The following JMJD1C variants were observed in gnomAD, a reference collection of about 807,000 sequenced individuals.
The protein encoded by JMJD1C is jumonji domain-containing protein 1C.
In JMJD1C, 31 loss-of-function variants were observed where a neutral mutation model predicts 245.3. The ratio of observed to expected loss-of-function variants is 0.13; its 90% confidence interval spans 0.09 to 0.17. The LOEUF (loss-of-function observed/expected upper bound fraction) is 0.17, where lower values mean the gene tolerates loss of function less well. JMJD1C is among the 10% of genes least tolerant of loss of function. JMJD1C has a pLI of 1.00. For synonymous variants in JMJD1C, 1,057 were observed against 1,017.4 expected, an observed-to-expected ratio of 1.04 and a Z score of -0.74; for missense variants, 2,691 against 3,000.2, an observed-to-expected ratio of 0.90 and a Z score of 2.41.
At chr10:63,305,996 T>A (rs1273770025) in intron 2 of JMJD1C, among the ~76,000 whole-genome samples, 1 of 152,054 alleles carries the variant, frequency 6.6e-6, no homozygotes, top group African/African-American at 2.4e-5. Context: ...ATACTGGGAT[T>A]AAAGGTGTGA....
At chr10:63,433,577 TTTTC>T (rs1239631008) in intron 1 of JMJD1C, among the ~76,000 whole-genome samples, 2 of 146,716 alleles carry the variant, frequency 1.4e-5, no homozygotes, top group East Asian at 3.9e-4. Flanking sequence ...TACTCTTTTC[TTTTC>T]TTTTCTTTTT....
intron 2 of JMJD1C, among the ~76,000 whole-genome samples, chr10:63,346,648 C>A (rs953563742): frequency 2.0e-5 from 3 of 152,178 alleles, no homozygotes; most frequent in African/African-American, 7.2e-5. Flanking sequence ...TCCGTAAATT[C>A]TCTAAGACCA....
intron 1 of JMJD1C, among the ~76,000 whole-genome samples, chr10:63,387,629 A>AATTTTT (rs1554915199): frequency 0.19 from 7,275 of 38,284 alleles, 1,406 homozygotes; most frequent in Middle Eastern, 0.38. Flanking sequence ...GAAAAAAAAA[A>AATTTTT]TTTTTTTTTT....
intron 3 of JMJD1C, among the ~76,000 whole-genome samples, chr10:63,261,571 AAAG>A (rs572370264): frequency 1.2e-3 from 190 of 152,318 alleles, no homozygotes; most frequent in Non-Finnish European, 2.2e-3. Context: ...ACAGAAAAAA[AAAG>A]AAGAAGAAGA....
chr10:63,478,857 T>C (rs1398892480), intron 1 of JMJD1C, among the ~76,000 whole-genome samples: 2 of 152,224 alleles, frequency 1.3e-5, no homozygotes, highest in African/African-American at 2.4e-5. Flanking sequence ...TCCTAGCTAG[T>C]TGTGAAGCTG....
Position 63,519,321 on chromosome 10 carries a change from T to C in JMJD1C, n.113+2417A>G, listed in dbSNP as rs562856009. On this transcript the variant is annotated intron_variant and non_coding_transcript_variant, in intron 1 of 3. Coordinates refer to the JMJD1C transcript ENST00000633035. ...TACTAGGATTAGCTGAAATAATTAA[T>C]ATTCACAATGATGACCTCCAAAGTA... Among the ~76,000 whole-genome samples, 9 of 152,332 alleles carry C rather than the reference T, an allele frequency of 5.9e-5. No homozygotes were observed. The South Asian group carries it at 1.9e-3, about 32-fold the overall frequency.
intron 3 of JMJD1C, among the ~76,000 whole-genome samples, chr10:63,257,757 T>TA (rs1854159363): frequency 6.6e-6 from 1 of 152,240 alleles, no homozygotes; most frequent in Admixed American, 6.5e-5. Context: ...TTGTCATCTT[T>TA]TCTAATATCA....
chr10:63,279,501 G>GA (rs1857171761), intron 2 of JMJD1C, among the ~76,000 whole-genome samples: 1 of 152,228 alleles, frequency 6.6e-6, no homozygotes, highest in South Asian at 2.1e-4. Flanking sequence ...AAATGCATGT[G>GA]AAAGAGGCCA....
intron 1 of JMJD1C, among the ~76,000 whole-genome samples, chr10:63,501,371 TCA>T (rs975732957): frequency 2.0e-5 from 3 of 152,272 alleles, no homozygotes; most frequent in African/African-American, 7.2e-5. Context: ...TGCTTTTATT[TCA>T]CAGTTAAAAA....
intron 1 of JMJD1C, among the ~76,000 whole-genome samples, chr10:63,448,640 A>C (rs796299195): frequency 6.6e-6 from 1 of 152,242 alleles, no homozygotes. Context: ...AACCCTTGCT[A>C]AAGTATAGTG....
intron 1 of JMJD1C, among the ~76,000 whole-genome samples, chr10:63,430,997 A>G (rs896191415): frequency 2.6e-5 from 4 of 152,206 alleles, no homozygotes; most frequent in Non-Finnish European, 4.4e-5. Flanking sequence ...TGTTAGGAGT[A>G]TAGACGTGAT....
chr10:63,263,479 A>G (rs944908602), intron 3 of JMJD1C, among the ~76,000 whole-genome samples: 3 of 152,234 alleles, frequency 2.0e-5, no homozygotes, highest in African/African-American at 7.2e-5. Context: ...AAAAACAGTA[A>G]CAAGTCTGAA....
chr10:63,371,224 C>T (rs2134430968), intron 2 of JMJD1C, among the ~76,000 whole-genome samples: 1 of 151,234 alleles, frequency 6.6e-6, no homozygotes, highest in Admixed American at 6.6e-5. Flanking sequence ...TCAAGCAATT[C>T]TCCCGCCTCA....
intron 1 of JMJD1C, among the ~76,000 whole-genome samples, chr10:63,420,013 G>C (rs1427689756): frequency 2.0e-5 from 3 of 151,660 alleles, no homozygotes; most frequent in African/African-American, 4.8e-5. Flanking sequence ...GCGCGCGCCT[G>C]GAGTCCCAGC....
chr10:63,207,159 G>A lies in JMJD1C; in HGVS notation c.4510C>T (p.Pro1504Ser). 1 of 1,614,138 alleles carries A rather than the reference G, an allele frequency of 6.2e-7. No homozygotes were observed. The highest frequency in any genetic ancestry group is 8.5e-7 in the Non-Finnish European group (1 of 1,180,006). Residue 1504 changes from proline to serine, a missense_variant, in exon 10 of 26, where the codon CCT becomes TCT. Physicochemically the swap from Pro to Ser is moderately conservative, Grantham distance 74. Coordinates refer to ENST00000399262, the MANE Select transcript of JMJD1C (RefSeq NM_032776.3). ...AGTGTCTGATTTTTTATAGCATTAG[G>A]TTCAGTCTCACTGGCATTACTACTT... ...YKSSNASETE[P>S]NAIKNQTLSA...
intron 1 of JMJD1C, among the ~76,000 whole-genome samples, chr10:63,424,161 G>A (rs1444122778): frequency 6.6e-6 from 1 of 151,660 alleles, no homozygotes; most frequent in East Asian, 1.9e-4. Flanking sequence ...GACTGAAGGT[G>A]TAAACCTCCT....
chr10:63,248,190 C>T (rs1380989566), intron 3 of JMJD1C, among the ~76,000 whole-genome samples: 1 of 151,804 alleles, frequency 6.6e-6, no homozygotes, highest in Non-Finnish European at 1.5e-5. Context: ...AGGCCAGGCA[C>T]GGTGTTTCAC....
chr10:63,185,788 CTT>C lies in JMJD1C; in HGVS notation c.6740-137_6740-136del, dbSNP rs1451270057. 5 of 632,848 alleles carry C rather than the reference CTT, an allele frequency of 7.9e-6. No homozygotes were observed. The African/African-American group carries it at 9.2e-5, about 12-fold the overall frequency. The allele number at this position is 632,848 out of a possible 1,614,324, so 39.2% of individuals were successfully genotyped here. A position where few individuals can be genotyped will look rare whatever the true frequency, so the allele number is the denominator to read the frequency against. On this transcript the variant is annotated intron_variant, in intron 19 of 25. Coordinates refer to ENST00000399262, the MANE Select transcript of JMJD1C (RefSeq NM_032776.3). Reference sequence around the variant, plus strand: ...TGCTTAATGATTGCTTGCTTATTGACTTATTACTTATGTACTTATGTAGTATT... The same window carrying C: ...TGCTTAATGATTGCTTGCTTATTGACATTACTTATGTACTTATGTAGTATT...
chr10:63,289,797 A>C (rs1420251180), intron 2 of JMJD1C, among the ~76,000 whole-genome samples: 1 of 152,186 alleles, frequency 6.6e-6, no homozygotes, highest in Non-Finnish European at 1.5e-5. Flanking sequence ...TTTTACATAA[A>C]TATTAGATCA....
Sources: allele counts gnomAD v4.1 joint callset (sites outside exome capture counted in the v4.1 genomes callset), GRCh38; gene constraint gnomAD v4.1.1; transcripts MANE v1.5; gene names NCBI Gene and HGNC (gene_info 2026-07-23, HGNC 2026-07-21).